The following CCR2 variants were observed in gnomAD, a reference collection of about 807,000 sequenced individuals.
CCR2 encodes C-C motif chemokine receptor 2.
For synonymous variants in CCR2, 183 were observed against 177.1 expected, an observed-to-expected ratio of 1.03 and a Z score of -0.27; for missense variants, 408 against 440.0, an observed-to-expected ratio of 0.93 and a Z score of 0.65.
rs889371772 is a variant in CCR2 at position 46,359,483 on chromosome 3, T to C, written c.*873T>C. 8.0e-6 allele frequency: 8 copies of C among 1,003,930 alleles called. No individual in the cohort carries two copies. Among genetic ancestry groups the C allele is most frequent in the Non-Finnish European group, 1.1e-5 (8 of 723,082 alleles). 62.2% of individuals were successfully genotyped at this position (1,003,930 alleles called of 1,614,324 possible). A position where few individuals can be genotyped will look rare whatever the true frequency, so the allele number is the denominator to read the frequency against. ...TGAGAAGGGGGTGGAGAATGATGAG[T>C]TCCTTCACCAGGAGCAAAGGACGGG... is the stretch of plus-strand genomic sequence containing the variant. On this transcript the variant is annotated 3_prime_UTR_variant, in exon 2 of 2. Coordinates refer to ENST00000445132, the MANE Select transcript of CCR2 (RefSeq NM_001123396.4).
chr3:46,359,557 G>T lies in CCR2; in HGVS notation c.*947G>T. On this transcript the variant is annotated 3_prime_UTR_variant, in exon 2 of 2. Transcript: ENST00000445132. Reference sequence around the variant, plus strand: ...CTATTTCCGAAATCAACTAAGTGGAGAGAGCCAGGAAGGCTGCATCAGAAC... The same window carrying T: ...CTATTTCCGAAATCAACTAAGTGGATAGAGCCAGGAAGGCTGCATCAGAAC... The T allele has an allele frequency of 9.0e-7, 1 of 1,105,248 alleles. No homozygotes were observed. The highest frequency in any genetic ancestry group is 1.3e-6 in the Non-Finnish European group (1 of 785,090). The allele number at this position is 1,105,248 out of a possible 1,614,324, so 68.5% of individuals were successfully genotyped here. A position where few individuals can be genotyped will look rare whatever the true frequency, so the allele number is the denominator to read the frequency against.
At position 46,359,783 on chromosome 3, in the gene CCR2, C is replaced by G. The variant is rs758836764; in HGVS notation, c.*1173C>G. The G allele has an allele frequency of 6.2e-7, 1 of 1,613,998 alleles. No individual in the cohort carries two copies. Among genetic ancestry groups the G allele is most frequent in the Admixed American group, 1.7e-5 (1 of 59,996 alleles). Reference sequence around the variant, plus strand: ...GAATGTGAAAGTGACTACACAAGGACTCCTCGATGGTCGTGGAAAAGGAAA... The same window carrying G: ...GAATGTGAAAGTGACTACACAAGGAGTCCTCGATGGTCGTGGAAAAGGAAA... On this transcript the variant is annotated 3_prime_UTR_variant, in exon 2 of 2. Transcript: ENST00000445132.
intron 1 of CCR2, among the ~76,000 whole-genome samples, chr3:46,355,187 G>A (rs1471230358): frequency 6.6e-6 from 1 of 152,206 alleles, no homozygotes; most frequent in Non-Finnish European, 1.5e-5. Context: ...CATAATAAGT[G>A]CTTATCTAGA....
intron 1 of CCR2, among the ~76,000 whole-genome samples, chr3:46,357,249 T>A (rs1430232181): frequency 1.3e-5 from 2 of 152,094 alleles, no homozygotes; most frequent in Non-Finnish European, 2.9e-5. Flanking sequence ...GAGAATCTGG[T>A]TTGCTGGGGA....
chr3:46,358,297 C>T lies in CCR2; in HGVS notation c.770C>T (p.Thr257Ile), dbSNP rs1701493280. Residue 257 changes from threonine (T) to isoleucine (I), a missense_variant, in exon 2 of 2, where the codon ACT (threonine) becomes ATT (isoleucine). Coordinates refer to ENST00000445132, the MANE Select transcript of CCR2 (RefSeq NM_001123396.4). The stretch of plus-strand genomic sequence containing the variant: ...ATGATTGTTTACTTTCTCTTCTGGA[C>T]TCCCTATAATATTGTCATTCTCCTG... ...TIMIVYFLFW[T>I]PYNIVILLNT... 1 of 1,614,046 alleles carries T rather than the reference C, an allele frequency of 6.2e-7. No homozygotes were observed. Among genetic ancestry groups the T allele is most frequent in the Admixed American group, 1.7e-5 (1 of 60,004 alleles).
rs1462681555 is a variant in CCR2, at chr3:46,358,573, C to T, written c.1046C>T (p.Pro349Leu). Residue 349 changes from proline (P) to leucine (L), a missense_variant, in exon 2 of 2, where the codon CCT becomes CTT. By Grantham distance (98) the Pro-to-Leu change is moderately conservative. Coordinates refer to ENST00000445132, the MANE Select transcript of CCR2 (RefSeq NM_001123396.4). ...TVDGVTSTNT[P>L]STGEQEVSAG... ...GATGGAGTGACTTCAACAAACACGC[C>T]TTCCACTGGGGAGCAGGAAGTCTCG... 1.9e-6 allele frequency: 3 copies of T among 1,601,092 alleles called. No homozygotes were observed. The highest frequency in any genetic ancestry group is 4.5e-5 in the East Asian group (2 of 44,666).
In CCR2 at chr3:46,358,846, T is replaced by C; in HGVS notation, c.*236T>C. 1 of 1,291,174 alleles carries C rather than the reference T, an allele frequency of 7.7e-7. No homozygotes were observed. The highest frequency in any genetic ancestry group is 9.9e-7 in the Non-Finnish European group (1 of 1,009,366). 80.0% of individuals were successfully genotyped at this position (1,291,174 alleles called of 1,614,324 possible). A position where few individuals can be genotyped will look rare whatever the true frequency, so the allele number is the denominator to read the frequency against. On this transcript the variant is annotated 3_prime_UTR_variant, in exon 2 of 2. Transcript: ENST00000445132. ...TCTCCAGAAAGCTCATCTCAGCTCCTGAAAAATGCCTCATTACCTTGTGCT... is the reference window on the plus strand; with the variant it reads ...TCTCCAGAAAGCTCATCTCAGCTCCCGAAAAATGCCTCATTACCTTGTGCT...
rs1701524553 is a variant in CCR2, at chr3:46,360,038, A to T, written c.*1428A>T. 1.7e-6 allele frequency: 1 copy of T among 589,668 alleles called. No individual in the cohort carries two copies. Among genetic ancestry groups the T allele is most frequent in the Non-Finnish European group, 2.9e-6 (1 of 343,258 alleles). 36.5% of individuals were successfully genotyped at this position (589,668 alleles called of 1,614,324 possible). A position where few individuals can be genotyped will look rare whatever the true frequency, so the allele number is the denominator to read the frequency against. On this transcript the variant is annotated 3_prime_UTR_variant, in exon 2 of 2. Coordinates refer to ENST00000445132, the MANE Select transcript of CCR2 (RefSeq NM_001123396.4). The stretch of plus-strand genomic sequence containing the variant: ...ACCTTCCAGTTCCTCATTTTTGAAT[A>T]CAGGCATAGAGTTCAGACTTTTTTT...
Position 46,357,878 on chromosome 3 carries a change from A to G in CCR2, c.351A>G (p.Thr117=). Residue 117 remains threonine (T), a synonymous_variant, in exon 2 of 2, where the codon ACA becomes ACG. Coordinates refer to ENST00000445132, the MANE Select transcript of CCR2 (RefSeq NM_001123396.4). ...VFGNAMCKLF[T]GLYHIGYFGG... ...GGAATGCAATGTGCAAATTATTCAC[A>G]GGGCTGTATCACATCGGTTATTTTG... 6.2e-7 allele frequency: 1 copy of G among 1,614,230 alleles called. No homozygotes were observed. Among genetic ancestry groups the G allele is most frequent in the Non-Finnish European group, 8.5e-7 (1 of 1,180,022 alleles).
chr3:46,358,430 T>C lies in CCR2; in HGVS notation c.903T>C (p.Asn301=). The C allele has an allele frequency of 6.2e-7, 1 of 1,613,912 alleles. No individual in the cohort carries two copies. The highest frequency in any genetic ancestry group is 8.5e-7 in the Non-Finnish European group (1 of 1,179,970). The change falls in exon 2 of 2, where the codon AAT becomes AAC. Residue 301 remains asparagine (N), a synonymous_variant. Coordinates refer to ENST00000445132, the MANE Select transcript of CCR2 (RefSeq NM_001123396.4). ...ETLGMTHCCI[N]PIIYAFVGEK... is the part of the protein sequence containing the mutation. ...TTGGGATGACTCACTGCTGCATCAA[T>C]CCCATCATCTATGCCTTCGTTGGGG...
rs17141046 is a variant in CCR2 at position 46,359,573 on chromosome 3, G to A, written c.*963G>A. ...CTAAGTGGAGAGAGCCAGGAAGGCTGCATCAGAACCCAGTAAAGCTTCTTG... is the reference window on the plus strand; with the variant it reads ...CTAAGTGGAGAGAGCCAGGAAGGCTACATCAGAACCCAGTAAAGCTTCTTG... On this transcript the variant is annotated 3_prime_UTR_variant, in exon 2 of 2. Coordinates refer to ENST00000445132, the MANE Select transcript of CCR2 (RefSeq NM_001123396.4). 2.0e-4 allele frequency: 240 copies of A among 1,204,922 alleles called. 2 individuals carry two copies. The East Asian group carries it at 5.1e-3, about 25-fold the overall frequency. 74.6% of individuals were successfully genotyped at this position (1,204,922 alleles called of 1,614,324 possible). A position where few individuals can be genotyped will look rare whatever the true frequency, so the allele number is the denominator to read the frequency against.
chr3:46,358,700 C>A lies in CCR2; in HGVS notation c.*90C>A. The A allele has an allele frequency of 6.8e-7, 1 of 1,476,434 alleles. No individual in the cohort carries two copies. The highest frequency in any genetic ancestry group is 9.0e-7 in the Non-Finnish European group (1 of 1,112,974). The allele number at this position is 1,476,434 out of a possible 1,614,324, so 91.5% of individuals were successfully genotyped here. Reference sequence around the variant, plus strand: ...CAAGGGTTTGTTGAACAATAGAAACCTGTAAAGCAGGTGCCCAGGAACCTC... The same window carrying A: ...CAAGGGTTTGTTGAACAATAGAAACATGTAAAGCAGGTGCCCAGGAACCTC... On this transcript the variant is annotated 3_prime_UTR_variant, in exon 2 of 2. Transcript: ENST00000445132.
intron 1 of CCR2, chr3:46,354,841 T>C (rs1223761101): frequency 1.3e-5 from 2 of 152,210 alleles, no homozygotes; most frequent in African/African-American, 4.8e-5. Flanking sequence ...TTTTCCAACT[T>C]TGATCAGAGG....
Position 46,358,262 on chromosome 3 carries a change from C to T in CCR2, c.735C>T (p.Ile245=). 5 of 1,614,206 alleles carry T rather than the reference C, an allele frequency of 3.1e-6. No individual in the cohort carries two copies. The highest frequency in any genetic ancestry group is 4.2e-6 in the Non-Finnish European group (5 of 1,180,026). ...EKKRHRAVRV[I]FTIMIVYFLF... is the part of the protein sequence containing the mutation. ...AGAGGCATAGGGCAGTGAGAGTCAT[C>T]TTCACCATCATGATTGTTTACTTTC... Residue 245 remains isoleucine (I), a synonymous_variant, in exon 2 of 2, where the codon ATC becomes ATT. Coordinates refer to ENST00000445132, the MANE Select transcript of CCR2 (RefSeq NM_001123396.4).
At chr3:46,354,763 C>G (rs1701421854) in intron 1 of CCR2, 1 of 152,226 alleles carries the variant, frequency 6.6e-6, no homozygotes, top group Non-Finnish European at 1.5e-5. Context: ...CAGCATTTAA[C>G]ATAGCATCTG....
chr3:46,356,918 CA>C (rs10544963), intron 1 of CCR2, among the ~76,000 whole-genome samples: 77,739 of 130,846 alleles, frequency 0.59, 21,416 homozygotes, highest in African/African-American at 0.64. Flanking sequence ...ACTCCGTCTC[CA>C]AAAAAAAAAA....
At chr3:46,354,918 G>C (rs1329324583) in intron 1 of CCR2, 2 of 152,162 alleles carry the variant, frequency 1.3e-5, no homozygotes, top group Non-Finnish European at 2.9e-5. Flanking sequence ...CTTGTGAAAA[G>C]TGTCAATTGC....
Position 46,359,557 on chromosome 3 carries a change from G to A in CCR2, c.*947G>A, listed in dbSNP as rs2106724815. 1 of 1,105,248 alleles carries A rather than the reference G, an allele frequency of 9.0e-7. No individual in the cohort carries two copies. The highest frequency in any genetic ancestry group is 2.5e-5 in the East Asian group (1 of 40,352). 68.5% of individuals were successfully genotyped at this position (1,105,248 alleles called of 1,614,324 possible). On this transcript the variant is annotated 3_prime_UTR_variant, in exon 2 of 2. Coordinates refer to ENST00000445132, the MANE Select transcript of CCR2 (RefSeq NM_001123396.4). ...CTATTTCCGAAATCAACTAAGTGGA[G>A]AGAGCCAGGAAGGCTGCATCAGAAC...
At chr3:46,357,060 G>A (rs1338618841) in intron 1 of CCR2, among the ~76,000 whole-genome samples, 2 of 152,222 alleles carry the variant, frequency 1.3e-5, no homozygotes, top group African/African-American at 4.8e-5. Context: ...CATGCTGCCA[G>A]AGCAGGAGGG....
Sources: allele counts gnomAD v4.1 joint callset (sites outside exome capture counted in the v4.1 genomes callset), GRCh38; gene constraint gnomAD v4.1.1; transcripts MANE v1.5; gene names NCBI Gene and HGNC (gene_info 2026-07-23, HGNC 2026-07-21).